Variants in MACF1 observed in about 807,000 individuals in gnomAD.
MACF1 encodes microtubule actin crosslinking factor 1.
In MACF1, 193 loss-of-function variants were observed where a neutral mutation model predicts 854.8. The ratio of observed to expected loss-of-function variants is 0.23; its 90% CI spans 0.20 to 0.25. MACF1 has a LOEUF of 0.25. Ranked by LOEUF, MACF1 falls within the 10% of genes least tolerant of loss-of-function variation. The probability of loss-of-function intolerance (pLI) is 1.00; values close to 1 mark genes in which losing one functional copy is unlikely to be tolerated. For synonymous variants in MACF1, 3,185 were observed against 3,226.7 expected, an observed-to-expected ratio of 0.99 and a Z score of 0.44; for missense variants, 7,722 against 8,929.1, an observed-to-expected ratio of 0.86 and a Z score of 5.45.
intron 2 of MACF1, 47 bp from the exon 3 acceptor site, chr1:39,249,965 AAT>A: frequency 9.4e-7 from 1 of 1,059,872 alleles, no homozygotes; most frequent in Non-Finnish European, 1.5e-6. Flanking sequence ...TGGATAGTAT[AAT>A]AATTCAATAT....
At chr1:39,473,448 T>TA (rs759148662) in intron 97 of MACF1, among the ~76,000 whole-genome samples, 3 of 152,350 alleles carry the variant, frequency 2.0e-5, no homozygotes, top group South Asian at 4.1e-4. Flanking sequence ...TAATATTCTA[T>TA]ATATAGTAGG....
chr1:39,423,955 G>A (rs968199404), intron 60 of MACF1, 73 bp from the exon 61 acceptor site: 1 of 1,367,552 alleles, frequency 7.3e-7, no homozygotes, highest in African/African-American at 1.5e-5. Flanking sequence ...GGTTTCTTTT[G>A]TTTTTTTTCT....
intron 1 of MACF1, among the ~76,000 whole-genome samples, chr1:39,207,629 A>G (rs948721679): frequency 6.6e-6 from 1 of 152,164 alleles, no homozygotes; most frequent in Admixed American, 6.6e-5. Flanking sequence ...TTTGAAACAA[A>G]TATTTGTGCT....
intron 2 of MACF1, among the ~76,000 whole-genome samples, chr1:39,134,984 C>T (rs1221185672): frequency 6.6e-6 from 1 of 152,164 alleles, no homozygotes; most frequent in Non-Finnish European, 1.5e-5. Context: ...ATTCTACTTT[C>T]TGTTTCTATG....
At chr1:39,254,555 C>T (rs1001393455) in intron 5 of MACF1, 180 bp downstream of exon 5, 1 of 566,612 alleles carries the variant, frequency 1.8e-6, no homozygotes, top group Non-Finnish European at 3.1e-6. Flanking sequence ...ATTCAGTACT[C>T]ACACAGAACT....
intron 49 of MACF1, among the ~76,000 whole-genome samples, chr1:39,362,515 T>C (rs1399459248): frequency 6.6e-6 from 1 of 152,232 alleles, no homozygotes; most frequent in Non-Finnish European, 1.5e-5. Context: ...AGTATCATTA[T>C]GGGCTTCTAT....
intron 58 of MACF1, chr1:39,412,815 A>G (rs770391968): frequency 1.1e-5 from 17 of 1,612,714 alleles, no homozygotes; most frequent in Non-Finnish European, 1.2e-5. Context: ...TAGATGCTGC[A>G]CTGCCCAGCC....
chr1:39,334,860 AT>A lies in MACF1; in HGVS notation c.8273del (p.Met2758ArgfsTer4). ...ACTGATCAGCCCTGAACTGGCAAATATGATCCAAATAGATAGTTCAGAGTTC... is the reference window on the plus strand; with the variant it reads ...ACTGATCAGCCCTGAACTGGCAAATAGATCCAAATAGATAGTTCAGAGTTC... ...KRLISPELAN[M>X]IQIDSSEFSD... On this transcript the variant is annotated frameshift_variant, in exon 37 of 101. Coordinates refer to ENST00000564288, the MANE Select transcript of MACF1 (RefSeq NM_001394062.1). LOFTEE classifies it high-confidence loss of function. 3 of 1,614,196 alleles carry A rather than the reference AT, an allele frequency of 1.9e-6. No individual in the cohort carries two copies. Among genetic ancestry groups the A allele is most frequent in the Non-Finnish European group, 2.5e-6 (3 of 1,180,016 alleles).
chr1:39,254,454 C>G, intron 5 of MACF1, 79 bp downstream of exon 5: 1 of 1,240,762 alleles, frequency 8.1e-7, no homozygotes, highest in Non-Finnish European at 1.2e-6. Flanking sequence ...TTTTAGTGCC[C>G]CTAGTAAGCT....
In MACF1 at chr1:39,459,093, C is replaced by A. The variant is rs142411922; in HGVS notation, c.21204C>A (p.Ser7068=). ...IEKSRSGGRK[S]LSQPTPPPMP... ...GATTATTTTTCCTTTTAGGGAAATCCCTAAGTCAGCCAACCCCTCCTCCCA... is the reference window on the plus strand; with the variant it reads ...GATTATTTTTCCTTTTAGGGAAATCACTAAGTCAGCCAACCCCTCCTCCCA... Residue 7068 remains serine, a synonymous_variant, in exon 91 of 101, where the codon TCC becomes TCA. Transcript: ENST00000564288. 0.013 allele frequency: 20,760 copies of A among 1,611,022 alleles called. 199 individuals are homozygous for A. Among genetic ancestry groups the A allele is most frequent in the Non-Finnish European group, 0.013 (15,481 of 1,178,922 alleles).
At chr1:39,171,215 G>GTA (rs1340209170) in intron 2 of MACF1, among the ~76,000 whole-genome samples, 1 of 151,662 alleles carries the variant, frequency 6.6e-6, no homozygotes, top group Non-Finnish European at 1.5e-5. Flanking sequence ...GTGTGTGTGT[G>GTA]TGTGTGTGTG....
Position 39,460,928 on chromosome 1 carries a change from TGGGA to T in MACF1, c.21523+137_21523+140del. ...GCTCACACCTGTAATTCCAGCACTTTGGGAGGCAGGTGGCAAAGGCATGGTGGCA... is the reference window on the plus strand; with the variant it reads ...GCTCACACCTGTAATTCCAGCACTTTGGCAGGTGGCAAAGGCATGGTGGCA... On this transcript the variant is annotated intron_variant, in intron 92 of 100. Transcript: ENST00000564288. The surrounding 1 kb of genome is among the most constrained non-coding windows in gnomAD (Gnocchi z 4.1). The T allele has an allele frequency of 9.8e-7, 1 of 1,018,992 alleles. No individual in the cohort carries two copies. The highest frequency in any genetic ancestry group is 1.5e-6 in the Non-Finnish European group (1 of 684,354). The allele number at this position is 1,018,992 out of a possible 1,614,324, so 63.1% of individuals were successfully genotyped here.
At chr1:39,474,079 C>A (rs1026689666) in intron 97 of MACF1, among the ~76,000 whole-genome samples, 2 of 152,114 alleles carry the variant, frequency 1.3e-5, no homozygotes, top group African/African-American at 2.4e-5. Flanking sequence ...CATAGCAAGA[C>A]CCCATCTCTG....
chr1:39,084,538 C>T lies in MACF1; in HGVS notation c.220+100C>T, dbSNP rs260972. The T allele has an allele frequency of 0.96, 845,630 of 882,860 alleles. 412,863 individuals carry two copies. The highest frequency in any genetic ancestry group is 1 in the East Asian group (37,563 of 37,564). 54.7% of individuals were successfully genotyped at this position (882,860 alleles called of 1,614,324 possible). A position where few individuals can be genotyped will look rare whatever the true frequency, so the allele number is the denominator to read the frequency against. ...GGGAGCCGAGGGGTCCTCACCAGGG[C>T]CTCTGACAAAGCAGCCATCATCTGA... On this transcript the variant is annotated intron_variant, in intron 2 of 93. Transcript: ENST00000361689. This position sits in a 1 kb window ranked among gnomAD's most constrained non-coding sequence, Gnocchi z 5.2.
At chr1:39,158,839 C>A (rs530707248) in intron 2 of MACF1, among the ~76,000 whole-genome samples, 1 of 152,290 alleles carries the variant, frequency 6.6e-6, no homozygotes, top group East Asian at 1.9e-4. Context: ...TAAATGTGGT[C>A]AAAGTCCAGT....
intron 5 of MACF1, chr1:39,257,425 A>G (rs188238420): frequency 1.3e-5 from 2 of 153,746 alleles, no homozygotes; most frequent in Admixed American, 6.5e-5. Flanking sequence ...GCCTCAGCCT[A>G]CTGAGTAGCT....
chr1:39,390,860 C>T (rs1394259780), intron 58 of MACF1, among the ~76,000 whole-genome samples: 1 of 152,166 alleles, frequency 6.6e-6, no homozygotes, highest in African/African-American at 2.4e-5. Context: ...GTAATCCCAG[C>T]ACTTTGGGAG....
chr1:39,140,760 C>T (rs920586298), intron 2 of MACF1, among the ~76,000 whole-genome samples: 4 of 151,644 alleles, frequency 2.6e-5, no homozygotes, highest in African/African-American at 4.8e-5. Flanking sequence ...ACTAAAAATA[C>T]GAAAATTAGC....
chr1:39,393,694 G>C (rs1355278390), intron 58 of MACF1, among the ~76,000 whole-genome samples: 1 of 151,922 alleles, frequency 6.6e-6, no homozygotes, highest in Admixed American at 6.6e-5. Flanking sequence ...TGTGGTCCCA[G>C]CTTACACAGG....
Sources: gnomAD v4.1 joint callset for allele counts (sites outside exome capture counted in the v4.1 genomes callset) on GRCh38, gnomAD v4.1.1 for gene constraint, Gnocchi (gnomAD v3.1) non-coding constraint, MANE v1.5 for transcripts, NCBI Gene and HGNC (gene_info 2026-07-23, HGNC 2026-07-21) for gene names.